Variants in CROCC observed in about 807,000 individuals in gnomAD.
The protein encoded by CROCC is rootletin.
In CROCC, 180 loss-of-function variants were observed where a neutral mutation model predicts 245.2. That is an observed-to-expected ratio of 0.73 (90% CI 0.65 to 0.83). CROCC has a LOEUF of 0.83. Ranked by LOEUF, CROCC falls within the 40% of genes least tolerant of loss-of-function variation. CROCC has a pLI of 0.00. For missense variants in CROCC, 2,688 were observed against 2,779.4 expected (o/e 0.97, Z 0.74); for synonymous variants, 1,205 against 1,241.6 (o/e 0.97, Z 0.62).
At chr1:16,924,883 C>T (rs1320239349) in intron 3 of CROCC, among the ~76,000 whole-genome samples, 5 of 152,254 alleles carry the variant, frequency 3.3e-5, no homozygotes, top group Admixed American at 1.3e-4. Flanking sequence ...GATGCTGGCT[C>T]GAGGCTGGTG....
rs2076096013 is a variant in CROCC at position 16,948,390 on chromosome 1, G to A, written c.2574G>A (p.Gln858=). 13 of 1,578,306 alleles carry A rather than the reference G, an allele frequency of 8.2e-6. No individual in the cohort carries two copies. Among genetic ancestry groups the A allele is most frequent in the Non-Finnish European group, 1.1e-5 (13 of 1,164,910 alleles). Residue 858 remains glutamine (Q), a synonymous_variant, in exon 18 of 37, where the codon CAG becomes CAA. Transcript: ENST00000375541. ...QELEQARREA[Q]RQVEALERAA... is the part of the protein sequence containing the mutation. ...TGGAGCAGGCCCGGCGGGAGGCCCA[G>A]CGGCAAGTGGAGGCGCTGGAGCGAG...
At chr1:16,942,771 A>C (rs1454148815) in intron 13 of CROCC, among the ~76,000 whole-genome samples, 1 of 152,282 alleles carries the variant, frequency 6.6e-6, no homozygotes, top group African/African-American at 2.4e-5. Context: ...AGTTGTGTTC[A>C]CAGCAAACAT....
At position 16,946,741 on chromosome 1, in the gene CROCC, C is replaced by T. The variant is rs1335020823; in HGVS notation, c.2284-20C>T. On this transcript the variant is annotated intron_variant, in intron 16 of 36. Coordinates refer to ENST00000375541, the MANE Select transcript of CROCC (RefSeq NM_014675.5). ...GAGGGACGCCCTGCTCACGAGGCCCCACTCCTACCTGGCCTCCAGCTGGAG... is the reference window on the plus strand; with the variant it reads ...GAGGGACGCCCTGCTCACGAGGCCCTACTCCTACCTGGCCTCCAGCTGGAG... 4 of 1,549,314 alleles carry T rather than the reference C, an allele frequency of 2.6e-6. No homozygotes were observed. Among genetic ancestry groups the T allele is most frequent in the African/African-American group, 2.7e-5 (2 of 73,056 alleles).
chr1:16,939,878 AC>A lies in CROCC; in HGVS notation c.1609-10del, dbSNP rs565974790. ...CTCTCAGGCCCCCCCAGACTCTGTGACCCCCCACACCCCAGGACATGCGTGG... is the reference window on the plus strand; with the variant it reads ...CTCTCAGGCCCCCCCAGACTCTGTGACCCCCACACCCCAGGACATGCGTGG... On this transcript the variant is annotated splice_polypyrimidine_tract_variant and intron_variant, in intron 12 of 36. Transcript: ENST00000375541. The A allele has an allele frequency of 5.9e-4, 944 of 1,609,700 alleles. 4 individuals carry two copies. The African/African-American group carries it at 7.2e-3, about 12-fold the overall frequency.
At position 16,965,821 on chromosome 1, in the gene CROCC, C is replaced by G. The variant is rs770285830; in HGVS notation, c.4504C>G (p.Leu1502Val). 4.3e-6 allele frequency: 7 copies of G among 1,613,676 alleles called. No individual in the cohort carries two copies. The African/African-American group carries it at 9.3e-5, about 22-fold the overall frequency. The change falls in exon 28 of 37, where the codon CTG becomes GTG. Residue 1502 changes from leucine (L) to valine (V), a missense_variant. Transcript: ENST00000375541. Reference sequence around the variant, plus strand: ...TGCCACCTCCCCAGCCTCTCCAGACCTGGACCCGGAGGCAGTGCGCGGGGC... The same window carrying G: ...TGCCACCTCCCCAGCCTCTCCAGACGTGGACCCGGAGGCAGTGCGCGGGGC... ...GPATSPASPDLDPEAVRGALR... is the reference protein window; with the variant it reads ...GPATSPASPDVDPEAVRGALR...
intron 2 of CROCC, 145 bp downstream of exon 2, chr1:16,922,943 C>T: frequency 3.9e-6 from 5 of 1,274,856 alleles, no homozygotes; most frequent in South Asian, 3.1e-5. Flanking sequence ...ACCCATTTTA[C>T]AGATGAGGAA....
intron 20 of CROCC, among the ~76,000 whole-genome samples, chr1:16,952,836 T>C (rs2076185323): frequency 6.6e-6 from 1 of 152,146 alleles, no homozygotes; most frequent in African/African-American, 2.4e-5. Flanking sequence ...AAGCTAAAAA[T>C]CAGATTGCTC....
At chr1:16,919,385 G>A (rs2075357397), upstream of CROCC, among the ~76,000 whole-genome samples, 1 of 152,276 alleles carries the variant, frequency 6.6e-6, no homozygotes, top group Non-Finnish European at 1.5e-5. Flanking sequence ...TTCTCATCTG[G>A]AAATAGGTTG....
At position 16,965,860 on chromosome 1, in the gene CROCC, CTGCAAGAGCTGCGGAG is replaced by C. The variant is rs780481559; in HGVS notation, c.4547_4562del (p.Gln1516ProfsTer15). On this transcript the variant is annotated frameshift_variant, in exon 28 of 37. Coordinates refer to ENST00000375541, the MANE Select transcript of CROCC (RefSeq NM_014675.5). LOFTEE classifies it high-confidence loss of function. ...AGTGCGCGGGGCCCTCCGGGAATTCCTGCAAGAGCTGCGGAGTGCCCAGAGAGAACGGGTAAGCCTG... is the reference window on the plus strand; with the variant it reads ...AGTGCGCGGGGCCCTCCGGGAATTCCTGCCCAGAGAGAACGGGTAAGCCTG... 5.6e-6 allele frequency: 9 copies of C among 1,613,492 alleles called. No individual in the cohort carries two copies. Among genetic ancestry groups the C allele is most frequent in the Non-Finnish European group, 7.6e-6 (9 of 1,180,012 alleles).
Position 16,951,106 on chromosome 1 carries a change from G to T in CROCC, c.2990G>T (p.Arg997Leu). ...GCAGCTCACGAGGAGGACTTACAGC[G>T]ACTCCAGCGTGAAAAGGTTCAGGCA... ...QRAAHEEDLQ[R>L]LQREKEAAWR... The change falls in exon 20 of 37, where the codon CGA becomes CTA. Residue 997 changes from arginine (R) to leucine (L), a missense_variant. Transcript: ENST00000375541. The T allele has an allele frequency of 6.4e-7, 1 of 1,555,590 alleles. No homozygotes were observed. Among genetic ancestry groups the T allele is most frequent in the South Asian group, 1.2e-5 (1 of 83,546 alleles).
chr1:16,942,913 C>A (rs1262028831), intron 13 of CROCC, among the ~76,000 whole-genome samples: 2 of 152,250 alleles, frequency 1.3e-5, no homozygotes, highest in Non-Finnish European at 2.9e-5. Context: ...TGAGACCAGC[C>A]TGGCCAACAT....
At chr1:16,961,329 G>C (rs1369955452) in intron 27 of CROCC, among the ~76,000 whole-genome samples, 199 bp downstream of exon 27, 1 of 151,650 alleles carries the variant, frequency 6.6e-6, no homozygotes, top group South Asian at 2.1e-4. Flanking sequence ...TCTCAAGGGC[G>C]CTTCTTTTTT....
rs531778390 is a variant in CROCC at position 16,952,204 on chromosome 1, G to A, written c.3006+1082G>A. Among the ~76,000 whole-genome samples, 13 of 143,990 alleles carry A rather than the reference G, an allele frequency of 9.0e-5. No individual in the cohort carries two copies. The East Asian group carries it at 2.8e-3, about 31-fold the overall frequency. The allele number at this position is 143,990 out of a possible 152,430, so 94.5% of individuals were successfully genotyped here. The stretch of plus-strand genomic sequence containing the variant: ...GAAGATCTTAAAGAAGGGGCGGTTT[G>A]GCCGGTCGTGCTGACTCATGCCTGT... On this transcript the variant is annotated intron_variant, in intron 20 of 36. Coordinates refer to ENST00000375541, the MANE Select transcript of CROCC (RefSeq NM_014675.5).
intron 8 of CROCC, among the ~76,000 whole-genome samples, chr1:16,934,396 C>T (rs1187193271): frequency 6.6e-6 from 1 of 152,228 alleles, no homozygotes; most frequent in African/African-American, 2.4e-5. Context: ...ACCTCCCAGG[C>T]TCAAGTGATC....
Position 16,955,549 on chromosome 1 carries a change from A to T in CROCC, c.3703A>T (p.Ser1235Cys). ...GAAGAAGGCAGAGAGCGAGCGCATC[A>T]GGTGGGGTGTCGCAGGAGGACCAGT... is the stretch of plus-strand genomic sequence containing the variant. ...AVKKAESERI[S>C]LKLANEDKEQ... The change falls in exon 24 of 37, where the codon AGC becomes TGC. Residue 1235 changes from serine to cysteine, a missense_variant and splice_region_variant. Physicochemically the swap from Ser to Cys is moderately radical, Grantham distance 112. Around this residue, in one of 9 missense-constraint regions of CROCC, gnomAD observed 1,218 missense variants for 1,286.3 expected, o/e 0.95. Transcript: ENST00000375541. The T allele has an allele frequency of 6.5e-7, 1 of 1,527,940 alleles. No individual in the cohort carries two copies. Among genetic ancestry groups the T allele is most frequent in the Admixed American group, 2.0e-5 (1 of 50,078 alleles). 94.6% of individuals were successfully genotyped at this position (1,527,940 alleles called of 1,614,324 possible).
At chr1:16,950,824 C>T (rs1334121530) in intron 19 of CROCC, 129 bp from the exon 20 acceptor site, 2 of 736,588 alleles carry the variant, frequency 2.7e-6, no homozygotes, top group African/African-American at 1.8e-5. Flanking sequence ...TTCAAGAGGA[C>T]CCAAACTAGA....
At chr1:16,930,616 G>A (rs1302606064) in intron 7 of CROCC, 22 bp downstream of exon 7, 3 of 1,594,246 alleles carry the variant, frequency 1.9e-6, no homozygotes, top group Admixed American at 1.7e-5. Flanking sequence ...GGTGCAGGGA[G>A]GCCAGCCTGA....
chr1:16,954,680 G>T lies in CROCC; in HGVS notation c.3322-54G>T. On this transcript the variant is annotated intron_variant, in intron 22 of 36. Transcript: ENST00000375541. This position sits in a 1 kb window ranked among gnomAD's most constrained non-coding sequence, Gnocchi z 4.4. ...CAGTGCACTGAGCGGGTTGGGAGCA[G>T]CCCGGGGCTGGGGGACACAGCAGGA... 1.3e-6 allele frequency: 2 copies of T among 1,502,040 alleles called. No homozygotes were observed. Among genetic ancestry groups the T allele is most frequent in the South Asian group, 2.5e-5 (2 of 78,722 alleles). 93.0% of individuals were successfully genotyped at this position (1,502,040 alleles called of 1,614,324 possible).
At chr1:16,941,977 G>C (rs1158660729) in intron 13 of CROCC, among the ~76,000 whole-genome samples, 13 of 152,200 alleles carry the variant, frequency 8.5e-5, no homozygotes, top group Admixed American at 3.3e-4. Flanking sequence ...GCTGGGATTA[G>C]AGGCATAAGC....
Sources: gnomAD v4.1 joint callset for allele counts (sites outside exome capture counted in the v4.1 genomes callset) on GRCh38, gnomAD v4.1.1 for gene constraint, gnomAD v4.1.1 regional missense constraint, Gnocchi (gnomAD v3.1) non-coding constraint, MANE v1.5 for transcripts, NCBI Gene and HGNC (gene_info 2026-07-23, HGNC 2026-07-21) for gene names.